Variants in SNTG1 observed in about 807,000 individuals in gnomAD.
The protein encoded by SNTG1 is syntrophin gamma 1, also known as gamma-1-syntrophin.
SNTG1 carries 39 observed loss-of-function variants against 74.7 expected under a neutral mutation model. The ratio of observed to expected loss-of-function variants is 0.52; its 90% CI spans 0.40 to 0.68. The LOEUF (loss-of-function observed/expected upper bound fraction) is 0.68, where lower values mean the gene tolerates loss of function less well. Ranked by LOEUF, SNTG1 falls within the 30% of genes least tolerant of loss-of-function variation. The pLI, the probability that SNTG1 is intolerant of heterozygous loss-of-function variation, is 0.00. For synonymous variants in SNTG1, 254 were observed against 217.1 expected (o/e 1.17, Z -1.49); for missense variants, 685 against 609.5 (o/e 1.12, Z -1.30).
intron 12 of SNTG1, among the ~76,000 whole-genome samples, chr8:50,583,394 CAAAAAAAA>C (rs58794829): frequency 1.2e-5 from 1 of 82,426 alleles, no homozygotes; most frequent in Admixed American, 1.2e-4. Flanking sequence ...GAGTGAGACT[CAAAAAAAA>C]AAAAAAAAAA....
At chr8:50,271,220 C>T (rs1001646068) in intron 2 of SNTG1, among the ~76,000 whole-genome samples, 2 of 152,102 alleles carry the variant, frequency 1.3e-5, no homozygotes, top group East Asian at 3.9e-4. Context: ...CATCCCTAAC[C>T]CTTTCAGAAG....
intron 1 of SNTG1, among the ~76,000 whole-genome samples, chr8:50,107,337 T>A (rs1175981541): frequency 1.3e-5 from 2 of 152,138 alleles, no homozygotes; most frequent in African/African-American, 4.8e-5. Context: ...CAGATAGATA[T>A]GTAGATAGAT....
At chr8:50,445,502 C>T (rs1365587002) in intron 5 of SNTG1, among the ~76,000 whole-genome samples, 1 of 152,078 alleles carries the variant, frequency 6.6e-6, no homozygotes, top group Non-Finnish European at 1.5e-5. Context: ...CACAGTAATG[C>T]TAGTAAAACC....
chr8:50,527,905 G>T (rs938393480), intron 9 of SNTG1, among the ~76,000 whole-genome samples: 1 of 151,528 alleles, frequency 6.6e-6, no homozygotes, highest in Non-Finnish European at 1.5e-5. Flanking sequence ...TTATTTATAT[G>T]CATTTTATGT....
At chr8:50,202,160 T>C (rs2084011537) in intron 2 of SNTG1, among the ~76,000 whole-genome samples, 1 of 152,190 alleles carries the variant, frequency 6.6e-6, no homozygotes, top group African/African-American at 2.4e-5. Flanking sequence ...TTTCTTATCA[T>C]GGTCTGAATT....
intron 1 of SNTG1, among the ~76,000 whole-genome samples, chr8:50,089,346 G>T (rs1336208642): frequency 1.3e-5 from 2 of 150,062 alleles, no homozygotes; most frequent in Non-Finnish European, 3.0e-5. Flanking sequence ...ATAGGCATGG[G>T]CAAGGACTTC....
chr8:50,739,702 G>C (rs778210167), intron 17 of SNTG1, among the ~76,000 whole-genome samples: 9 of 151,702 alleles, frequency 5.9e-5, no homozygotes, highest in Non-Finnish European at 1.5e-5. Context: ...TAAATACAAC[G>C]TGGCGGCATC....
At chr8:50,637,812 T>C (rs1384068617) in intron 13 of SNTG1, among the ~76,000 whole-genome samples, 1 of 152,142 alleles carries the variant, frequency 6.6e-6, no homozygotes, top group Non-Finnish European at 1.5e-5. Context: ...TGTATAAATA[T>C]TATTTTATTG....
chr8:50,211,942 T>C (rs2084540362), intron 2 of SNTG1, among the ~76,000 whole-genome samples: 1 of 152,080 alleles, frequency 6.6e-6, no homozygotes, highest in Non-Finnish European at 1.5e-5. Flanking sequence ...AAAGGAGAAA[T>C]AGAAAATAAA....
At chr8:50,015,877 G>A (rs563071813) in intron 1 of SNTG1, among the ~76,000 whole-genome samples, 1 of 152,140 alleles carries the variant, frequency 6.6e-6, no homozygotes, top group Non-Finnish European at 1.5e-5. Flanking sequence ...TTGGCAAGAG[G>A]TCAGGTGAAT....
chr8:50,431,676 T>C (rs559477940), intron 4 of SNTG1, among the ~76,000 whole-genome samples: 39 of 152,224 alleles, frequency 2.6e-4, no homozygotes, highest in Non-Finnish European at 4.0e-4. Flanking sequence ...ATGAACAGTA[T>C]TCTTGAAAGC....
chr8:50,551,542 C>A (rs1324952073), intron 11 of SNTG1, among the ~76,000 whole-genome samples: 3 of 152,260 alleles, frequency 2.0e-5, no homozygotes, highest in South Asian at 4.1e-4. Flanking sequence ...ATATGTATTA[C>A]TAAACTCCAA....
At chr8:50,245,000 T>G (rs1056695072) in intron 2 of SNTG1, among the ~76,000 whole-genome samples, 1 of 152,228 alleles carries the variant, frequency 6.6e-6, no homozygotes, top group Non-Finnish European at 1.5e-5. Context: ...TTTTACATTT[T>G]TTTTCCATTA....
chr8:50,253,473 C>T (rs2086734730), intron 2 of SNTG1, among the ~76,000 whole-genome samples: 1 of 151,774 alleles, frequency 6.6e-6, no homozygotes, highest in African/African-American at 2.4e-5. Context: ...CCATATGAGC[C>T]ATTGGGTATA....
At chr8:49,993,039 T>A (rs1346855449) in intron 1 of SNTG1, among the ~76,000 whole-genome samples, 2 of 152,206 alleles carry the variant, frequency 1.3e-5, no homozygotes, top group Non-Finnish European at 2.9e-5. Context: ...AATCTTTTTT[T>A]TGTGGAAAAA....
At chr8:50,126,252 G>A (rs1455699244) in intron 1 of SNTG1, among the ~76,000 whole-genome samples, 3 of 152,178 alleles carry the variant, frequency 2.0e-5, no homozygotes, top group South Asian at 2.1e-4. Flanking sequence ...CTCAAACCAG[G>A]CCTTTGGACT....
intron 13 of SNTG1, among the ~76,000 whole-genome samples, chr8:50,621,188 G>A (rs1373588046): frequency 1.3e-5 from 2 of 151,402 alleles, no homozygotes; most frequent in East Asian, 3.9e-4. Context: ...AGTAAATATA[G>A]CATTTTTTGA....
chr8:49,929,556 C>T (rs1324498809), intron 1 of SNTG1, among the ~76,000 whole-genome samples: 1 of 152,138 alleles, frequency 6.6e-6, no homozygotes, highest in African/African-American at 2.4e-5. Context: ...TGAGTGAGGC[C>T]GGAAGGACGC....
At chr8:50,712,433 A>C (rs1489767894) in intron 17 of SNTG1, among the ~76,000 whole-genome samples, 1 of 152,228 alleles carries the variant, frequency 6.6e-6, no homozygotes, top group African/African-American at 2.4e-5. Context: ...GACTGAAATT[A>C]AGACAATCTG....
Sources: allele counts gnomAD v4.1 joint callset (sites outside exome capture counted in the v4.1 genomes callset), GRCh38; gene constraint gnomAD v4.1.1; transcripts MANE v1.5; gene names NCBI Gene and HGNC (gene_info 2026-07-23, HGNC 2026-07-21).